AHI1: variants seen among roughly 807,000 people sequenced by gnomAD.
AHI1 encodes the protein jouberin.
In AHI1, 123 loss-of-function variants were observed where a neutral mutation model predicts 149.3. The observed-to-expected ratio is 0.82, with a 90% CI of 0.71 to 0.96. The LOEUF (loss-of-function observed/expected upper bound fraction) is 0.96, where lower values mean the gene tolerates loss of function less well. Among genes scored for constraint, AHI1 ranks in the 40% least tolerant of loss-of-function variants. The pLI, the probability that AHI1 is intolerant of heterozygous loss-of-function variation, is 0.00. For synonymous variants in AHI1, 475 were observed against 459.8 expected, an observed-to-expected ratio of 1.03 and a Z score of -0.42; for missense variants, 1,439 against 1,422.7, an observed-to-expected ratio of 1.01 and a Z score of -0.18.
chr6:135,380,249 T>C (rs535657112), intron 23 of AHI1, among the ~76,000 whole-genome samples: 7 of 152,008 alleles, frequency 4.6e-5, no homozygotes, highest in Non-Finnish European at 8.8e-5. Context: ...CAACCATGGA[T>C]TGAAACTATT....
intron 11 of AHI1, 50 bp downstream of exon 11, chr6:135,453,291 C>T: frequency 7.1e-7 from 1 of 1,409,036 alleles, no homozygotes; most frequent in South Asian, 1.2e-5. Context: ...AAGCAGCCAA[C>T]TAAATTTGAA....
At chr6:135,323,041 T>A in intron 25 of AHI1, 121 bp downstream of exon 25, 1 of 1,044,834 alleles carries the variant, frequency 9.6e-7, no homozygotes. Flanking sequence ...TGAAAAACAA[T>A]ACCCATTGGT....
intron 20 of AHI1, among the ~76,000 whole-genome samples, chr6:135,420,471 T>G (rs554139954): frequency 6.6e-6 from 1 of 152,344 alleles, no homozygotes; most frequent in South Asian, 2.1e-4. Context: ...TGTGGTTTAC[T>G]GTAGCCACCT....
chr6:135,322,929 C>A (rs1001571018), intron 25 of AHI1, among the ~76,000 whole-genome samples: 1 of 152,138 alleles, frequency 6.6e-6, no homozygotes, highest in South Asian at 2.1e-4. Context: ...GGGGCAGGGT[C>A]CCCGAGGATA....
At chr6:135,462,336 AAAG>A (rs1352236013) in intron 8 of AHI1, among the ~76,000 whole-genome samples, 3 of 152,046 alleles carry the variant, frequency 2.0e-5, no homozygotes, top group South Asian at 2.1e-4. Flanking sequence ...ACAAACAAGA[AAAG>A]AAGAAGACAG....
At chr6:135,447,322 A>T (rs989022449) in intron 12 of AHI1, among the ~76,000 whole-genome samples, 162 bp from the exon 13 acceptor site, 6 of 152,176 alleles carry the variant, frequency 3.9e-5, no homozygotes, top group African/African-American at 1.4e-4. Context: ...TAAATAAAAT[A>T]AAAAAGCTGC....
chr6:135,320,470 T>C (rs1214676869), intron 25 of AHI1, among the ~76,000 whole-genome samples: 1 of 152,210 alleles, frequency 6.6e-6, no homozygotes, highest in Admixed American at 6.5e-5. Context: ...AATTTATCTT[T>C]TGTGGAGATG....
intron 24 of AHI1, among the ~76,000 whole-genome samples, chr6:135,331,614 T>C (rs910989376): frequency 2.0e-5 from 3 of 152,184 alleles, no homozygotes; most frequent in Admixed American, 1.3e-4. Flanking sequence ...CACCAACCAG[T>C]AGAGTTCAGC....
At chr6:135,432,984 A>T in intron 16 of AHI1, 43 bp downstream of exon 16, 8 of 1,469,506 alleles carry the variant, frequency 5.4e-6, no homozygotes, top group Non-Finnish European at 7.6e-6. Flanking sequence ...GGTAAAAAAA[A>T]ATTCTTCACA....
intron 3 of AHI1, chr6:135,493,045 G>A: frequency 1.2e-6 from 1 of 857,260 alleles, no homozygotes; most frequent in Non-Finnish European, 1.4e-6. Context: ...GTCTCCCTTT[G>A]TCGAGTGCAG....
intron 14 of AHI1, among the ~76,000 whole-genome samples, chr6:135,440,088 A>C (rs1019593291): frequency 4.6e-5 from 7 of 152,186 alleles, no homozygotes; most frequent in African/African-American, 1.7e-4. Flanking sequence ...TTCCTGTCTC[A>C]AACTTTAAAG....
At chr6:135,317,238 T>C (rs893262580) in intron 26 of AHI1, among the ~76,000 whole-genome samples, 10 of 152,026 alleles carry the variant, frequency 6.6e-5, no homozygotes, top group Admixed American at 6.6e-4. Flanking sequence ...TGTCATTCCC[T>C]GAATTACGTC....
chr6:135,470,272 C>T (rs1043957280), intron 5 of AHI1, among the ~76,000 whole-genome samples: 2 of 152,160 alleles, frequency 1.3e-5, no homozygotes, highest in African/African-American at 4.8e-5. Context: ...GAGATACCAT[C>T]TCACACCAGT....
chr6:135,313,278 G>C (rs185451233), intron 26 of AHI1, among the ~76,000 whole-genome samples: 5 of 152,276 alleles, frequency 3.3e-5, no homozygotes, highest in Non-Finnish European at 7.4e-5. Flanking sequence ...AAAAATATAT[G>C]CAGGATTCTA....
rs567143653 is a variant in AHI1 at position 135,486,266 on chromosome 6, C to T, written c.135+4357G>A. 9.2e-5 allele frequency among the ~76,000 whole-genome samples: 14 copies of T among 152,218 alleles called. 1 individual carries two copies. The South Asian group carries it at 1.9e-3, about 20-fold the overall frequency. ...TCCAAAGGGACCCATGGAAAACTAT[C>T]GAAATCATACATAATATACCATGTA... is the stretch of plus-strand genomic sequence containing the variant. On this transcript the variant is annotated intron_variant, in intron 5 of 28. Coordinates refer to ENST00000265602, the MANE Select transcript of AHI1 (RefSeq NM_001134831.2).
chr6:135,320,343 CATT>C (rs1452867753), intron 25 of AHI1, among the ~76,000 whole-genome samples: 2 of 152,124 alleles, frequency 1.3e-5, no homozygotes, highest in Non-Finnish European at 2.9e-5. Context: ...AGATGGTCAT[CATT>C]GAGACAAAGA....
chr6:135,312,188 C>T (rs1028701971), intron 26 of AHI1, among the ~76,000 whole-genome samples: 22 of 152,212 alleles, frequency 1.4e-4, no homozygotes, highest in Admixed American at 1.4e-3. Flanking sequence ...AAAACTTACA[C>T]ATGAAGAAGG....
intron 12 of AHI1, 114 bp downstream of exon 12, chr6:135,448,176 A>G: frequency 1.5e-6 from 1 of 667,880 alleles, no homozygotes; most frequent in Non-Finnish European, 2.2e-6. Context: ...TAACCCCAGA[A>G]ATCTATTAAA....
intron 20 of AHI1, among the ~76,000 whole-genome samples, chr6:135,413,266 G>A (rs939569775): frequency 6.6e-6 from 1 of 152,152 alleles, no homozygotes; most frequent in African/African-American, 2.4e-5. Context: ...ACTGGAGGTC[G>A]AGGCTGCCAC....
Sources: gnomAD v4.1 joint callset for allele counts (sites outside exome capture counted in the v4.1 genomes callset) on GRCh38, gnomAD v4.1.1 for gene constraint, MANE v1.5 for transcripts, NCBI Gene and HGNC (gene_info 2026-07-23, HGNC 2026-07-21) for gene names.